The following SORCS3 variants were observed in gnomAD, a reference collection of about 807,000 sequenced individuals.
SORCS3 encodes sortilin related VPS10 domain containing receptor 3.
In SORCS3, 57 loss-of-function variants were observed where a neutral mutation model predicts 146.3. The ratio of observed to expected loss-of-function variants is 0.39; its 90% CI spans 0.31 to 0.49. SORCS3 has a LOEUF of 0.49. Ranked by LOEUF, SORCS3 falls within the 20% of genes least tolerant of loss-of-function variation. The pLI is 0.92. For missense variants in SORCS3, 1,341 were observed against 1,575.5 expected, an observed-to-expected ratio of 0.85 and a Z score of 2.52; for synonymous variants, 653 against 618.5, an observed-to-expected ratio of 1.06 and a Z score of -0.83.
intron 4 of SORCS3, among the ~76,000 whole-genome samples, chr10:105,007,965 A>C (rs1256023460): frequency 6.6e-6 from 1 of 152,156 alleles, no homozygotes; most frequent in Non-Finnish European, 1.5e-5. Context: ...AAGGGACTTA[A>C]GGTTGACCTA....
intron 4 of SORCS3, among the ~76,000 whole-genome samples, chr10:105,017,570 G>A (rs534139380): frequency 6.6e-6 from 1 of 152,132 alleles, no homozygotes; most frequent in Non-Finnish European, 1.5e-5. Flanking sequence ...ATTATTATTA[G>A]TAGTATTATT....
At chr10:105,076,613 A>T (rs2055591050) in intron 5 of SORCS3, among the ~76,000 whole-genome samples, 1 of 152,174 alleles carries the variant, frequency 6.6e-6, no homozygotes, top group Non-Finnish European at 1.5e-5. Context: ...GTGGGCCAGC[A>T]GGACGATTTG....
intron 4 of SORCS3, among the ~76,000 whole-genome samples, chr10:105,009,796 C>T (rs918248372): frequency 1.3e-5 from 2 of 150,674 alleles, no homozygotes; most frequent in African/African-American, 4.9e-5. Context: ...CCTAGCTTTT[C>T]TTTGTAGTAC....
intron 11 of SORCS3, among the ~76,000 whole-genome samples, chr10:105,161,326 T>C (rs904422864): frequency 6.6e-6 from 1 of 152,136 alleles, no homozygotes; most frequent in African/African-American, 2.4e-5. Context: ...ATCAGGAAGA[T>C]AACTATGACG....
intron 1 of SORCS3, among the ~76,000 whole-genome samples, chr10:104,820,850 G>C (rs2017864625): frequency 1.3e-5 from 2 of 152,182 alleles, no homozygotes; most frequent in African/African-American, 4.8e-5. Context: ...ATATATAAAA[G>C]AAGGAGCAAC....
rs577203737 is a variant in SORCS3 at position 104,656,512 on chromosome 10, G to C, written c.627+14558G>C. The stretch of plus-strand genomic sequence containing the variant: ...AAAAATACACACACAAACAAAATTA[G>C]CTGGGCATGGTGGAATGCACTTGTG... On this transcript the variant is annotated intron_variant, in intron 1 of 26. Transcript: ENST00000369701. Among the ~76,000 whole-genome samples, 7 of 152,098 alleles carry C rather than the reference G, an allele frequency of 4.6e-5. No homozygotes were observed. The South Asian group carries it at 1.5e-3, about 32-fold the overall frequency.
chr10:104,997,492 C>G (rs1426100803), intron 4 of SORCS3, among the ~76,000 whole-genome samples: 1 of 152,066 alleles, frequency 6.6e-6, no homozygotes, highest in East Asian at 1.9e-4. Context: ...CAGGCAATAC[C>G]CTGACTCTAA....
intron 4 of SORCS3, among the ~76,000 whole-genome samples, chr10:104,979,699 A>T (rs1266414569): frequency 6.6e-6 from 1 of 152,140 alleles, no homozygotes; most frequent in Non-Finnish European, 1.5e-5. Context: ...CCCTAAGGAC[A>T]CCCACATGAC....
intron 3 of SORCS3, among the ~76,000 whole-genome samples, chr10:104,974,605 G>A (rs906238481): frequency 6.6e-6 from 1 of 152,016 alleles, no homozygotes; most frequent in East Asian, 1.9e-4. Context: ...ACGTGAGATG[G>A]GTTTCTTGAA....
chr10:104,844,885 G>A (rs1298177772), intron 2 of SORCS3, among the ~76,000 whole-genome samples: 1 of 152,116 alleles, frequency 6.6e-6, no homozygotes, highest in East Asian at 1.9e-4. Flanking sequence ...TATCAAATAA[G>A]GTTCCATTAT....
chr10:105,262,762 T>C (rs2056969697), intron 26 of SORCS3, among the ~76,000 whole-genome samples: 1 of 152,188 alleles, frequency 6.6e-6, no homozygotes, highest in Admixed American at 6.5e-5. Flanking sequence ...TTTTACTTCT[T>C]TTTCTATAAA....
rs3976795 is a variant in SORCS3, at chr10:104,800,243, C to CATAT, written c.628-42536_628-42533dup. The stretch of plus-strand genomic sequence containing the variant: ...GAAGAGGCTACATACCATATGATTT[C>CATAT]ATATATATATATATATGTAAAACAT... On this transcript the variant is annotated intron_variant, in intron 1 of 26. Transcript: ENST00000369701. Among the ~76,000 whole-genome samples the CATAT allele has an allele frequency of 3.7e-3, 552 of 150,280 alleles. 9 individuals are homozygous for CATAT. The highest frequency in any genetic ancestry group is 0.031 in the East Asian group (158 of 5,080).
chr10:104,867,309 AT>A lies in SORCS3; in HGVS notation c.695+24468del, dbSNP rs1258978078. Among the ~76,000 whole-genome samples, 546 of 138,242 alleles carry A rather than the reference AT, an allele frequency of 3.9e-3. 5 individuals are homozygous for A. The highest frequency in any genetic ancestry group is 0.011 in the Middle Eastern group (3 of 270). 90.7% of individuals were successfully genotyped at this position (138,242 alleles called of 152,430 possible). Reference sequence around the variant, plus strand: ...AGGAAAGTGAAATTCCCAGTGTACAATTTTTTTTTTTTTTTTTTGAGACGAA... The same window carrying A: ...AGGAAAGTGAAATTCCCAGTGTACAATTTTTTTTTTTTTTTTTGAGACGAA... On this transcript the variant is annotated intron_variant, in intron 2 of 26. Coordinates refer to ENST00000369701, the MANE Select transcript of SORCS3 (RefSeq NM_014978.3).
chr10:104,739,864 A>G (rs1055934390), intron 1 of SORCS3, among the ~76,000 whole-genome samples: 4 of 152,214 alleles, frequency 2.6e-5, no homozygotes, highest in Admixed American at 2.6e-4. Context: ...CCACCTTTGT[A>G]GGATGGGAGG....
At chr10:104,798,979 A>C (rs2133507163) in intron 1 of SORCS3, among the ~76,000 whole-genome samples, 1 of 152,344 alleles carries the variant, frequency 6.6e-6, no homozygotes, top group East Asian at 1.9e-4. Flanking sequence ...AGAAATAAAA[A>C]CCACAGTGAG....
intron 4 of SORCS3, among the ~76,000 whole-genome samples, chr10:105,024,832 C>G (rs1001150510): frequency 6.6e-6 from 1 of 152,092 alleles, no homozygotes; most frequent in Non-Finnish European, 1.5e-5. Context: ...GCTTTCAGAC[C>G]GAACGTGTAA....
chr10:105,048,437 A>C (rs1364668806), intron 5 of SORCS3, among the ~76,000 whole-genome samples: 2 of 150,854 alleles, frequency 1.3e-5, no homozygotes, highest in African/African-American at 4.9e-5. Context: ...CGCAAGGACA[A>C]AAAAACCAAA....
intron 4 of SORCS3, among the ~76,000 whole-genome samples, chr10:104,999,324 C>G (rs188780369): frequency 6.6e-6 from 1 of 152,218 alleles, no homozygotes; most frequent in African/African-American, 2.4e-5. Flanking sequence ...TGACCAGCTG[C>G]CAAGTAGTTT....
intron 1 of SORCS3, among the ~76,000 whole-genome samples, chr10:104,733,811 C>T (rs1376157749): frequency 6.6e-6 from 1 of 152,060 alleles, no homozygotes; most frequent in African/African-American, 2.4e-5. Context: ...AGGCCAGGAG[C>T]CCTCTTGTTG....
Sources: gnomAD v4.1 joint callset for allele counts (sites outside exome capture counted in the v4.1 genomes callset) on GRCh38, gnomAD v4.1.1 for gene constraint, MANE v1.5 for transcripts, NCBI Gene and HGNC (gene_info 2026-07-23, HGNC 2026-07-21) for gene names.